The following BNC2 variants were observed in gnomAD, a reference collection of about 807,000 sequenced individuals.
BNC2 encodes the protein zinc finger protein basonuclin-2.
A neutral mutation model predicts 76.3 loss-of-function variants in BNC2; 20 were observed. The observed-to-expected ratio is 0.26, with a 90% CI of 0.18 to 0.38. BNC2 has a LOEUF of 0.38. Among genes scored for constraint, BNC2 ranks in the 10% least tolerant of loss-of-function variants. BNC2 has a pLI of 1.00. For missense variants in BNC2, 1,382 were observed against 1,399.8 expected (o/e 0.99, Z 0.20); for synonymous variants, 582 against 514.8 (o/e 1.13, Z -1.77).
At chr9:16,734,841 G>C (rs1587363504) in intron 2 of BNC2, among the ~76,000 whole-genome samples, 5 of 152,204 alleles carry the variant, frequency 3.3e-5, no homozygotes, top group Admixed American at 3.3e-4. Context: ...CTTAAGGTTG[G>C]AGGAGGACAC....
At chr9:16,805,713 GCACACA>G (rs57325819) in intron 1 of BNC2, among the ~76,000 whole-genome samples, 9 of 149,110 alleles carry the variant, frequency 6.0e-5, no homozygotes, top group Non-Finnish European at 1.3e-4. Flanking sequence ...TTGCATACAT[GCACACA>G]CACACACACA....
chr9:16,713,552 T>G lies in BNC2; in HGVS notation c.330+14245A>C, dbSNP rs76506903. On this transcript the variant is annotated intron_variant, in intron 3 of 6. Transcript: ENST00000380672. ...GATGTGCAGGCTTTGAAGCTCATAA[T>G]AAACTTGAAATGGCTCTGTGGAATG... Among the ~76,000 whole-genome samples, 764 of 149,752 alleles carry G rather than the reference T, an allele frequency of 5.1e-3. 11 individuals carry two copies. The highest frequency in any genetic ancestry group is 0.018 in the African/African-American group (717 of 40,662).
chr9:16,867,885 G>C (rs1403371518), intron 1 of BNC2: 1 of 152,124 alleles, frequency 6.6e-6, no homozygotes, highest in Non-Finnish European at 1.5e-5. Context: ...CCAGGTCAGC[G>C]TGTGGAGAAC....
intron 2 of BNC2, among the ~76,000 whole-genome samples, chr9:16,735,193 G>A (rs1316243331): frequency 1.3e-5 from 2 of 152,142 alleles, no homozygotes; most frequent in Admixed American, 1.3e-4. Flanking sequence ...AATAAAAGCA[G>A]CTGAGGTCAG....
chr9:16,641,333 G>A (rs936783065), intron 3 of BNC2, among the ~76,000 whole-genome samples: 7 of 152,030 alleles, frequency 4.6e-5, no homozygotes, highest in African/African-American at 1.7e-4. Flanking sequence ...CAGAAAGGAA[G>A]TGGTCAGATG....
chr9:16,627,069 C>T (rs2133674586), intron 3 of BNC2, among the ~76,000 whole-genome samples: 1 of 152,248 alleles, frequency 6.6e-6, no homozygotes. Context: ...CCCCTGAGCG[C>T]ATTCCTTTAT....
At chr9:16,565,579 G>A (rs1052369260) in intron 4 of BNC2, among the ~76,000 whole-genome samples, 3 of 152,096 alleles carry the variant, frequency 2.0e-5, no homozygotes, top group Non-Finnish European at 4.4e-5. Context: ...GGAGGCTGAG[G>A]TGGGTGGGTC....
intron 1 of BNC2, among the ~76,000 whole-genome samples, chr9:16,774,487 G>C (rs754623841): frequency 1.3e-5 from 2 of 152,164 alleles, no homozygotes; most frequent in Admixed American, 1.3e-4. Context: ...ACCATAGCTT[G>C]TGCTGTAGCT....
intron 3 of BNC2, among the ~76,000 whole-genome samples, chr9:16,725,654 T>G (rs1824294126): frequency 6.6e-6 from 1 of 152,196 alleles, no homozygotes; most frequent in Non-Finnish European, 1.5e-5. Context: ...TTCTATTCTC[T>G]CCATATAATC....
intron 3 of BNC2, chr9:16,665,160 GGAGTTT>G (rs1164566949): frequency 2.3e-6 from 1 of 433,788 alleles, no homozygotes; most frequent in African/African-American, 2.1e-5. Context: ...CCTGAGGTCA[GGAGTTT>G]GAGACCAGCC....
At chr9:16,445,431 G>A (rs1473063915) in intron 5 of BNC2, among the ~76,000 whole-genome samples, 1 of 152,012 alleles carries the variant, frequency 6.6e-6, no homozygotes, top group Non-Finnish European at 1.5e-5. Context: ...AATATTTGTA[G>A]GCAGAATGAA....
chr9:16,636,251 G>T (rs1035456994), intron 3 of BNC2, among the ~76,000 whole-genome samples: 11 of 152,020 alleles, frequency 7.2e-5, no homozygotes, highest in African/African-American at 2.7e-4. Flanking sequence ...AAAATAAGAA[G>T]GTCTGACCAT....
intron 5 of BNC2, among the ~76,000 whole-genome samples, chr9:16,449,863 T>C (rs551477676): frequency 6.2e-4 from 93 of 150,720 alleles, no homozygotes; most frequent in African/African-American, 2.1e-3. Flanking sequence ...GTAACTAAAA[T>C]TGTAATGCCA....
At chr9:16,524,919 C>A (rs545107662) in intron 5 of BNC2, among the ~76,000 whole-genome samples, 6 of 152,082 alleles carry the variant, frequency 3.9e-5, no homozygotes, top group Non-Finnish European at 8.8e-5. Flanking sequence ...ACAAAAAATA[C>A]AAAAATTAGC....
chr9:16,448,818 T>G (rs924113729), intron 5 of BNC2, among the ~76,000 whole-genome samples: 1 of 152,216 alleles, frequency 6.6e-6, no homozygotes, highest in Non-Finnish European at 1.5e-5. Context: ...TTGTAACACA[T>G]ACACAAGGCT....
intron 1 of BNC2, among the ~76,000 whole-genome samples, chr9:16,761,821 TAC>T (rs1467491396): frequency 1.3e-5 from 2 of 152,276 alleles, no homozygotes; most frequent in Non-Finnish European, 2.9e-5. Flanking sequence ...TCCACCTAAC[TAC>T]AAAGGCCCAT....
chr9:16,606,804 C>T (rs1437406365), intron 3 of BNC2, among the ~76,000 whole-genome samples: 1 of 152,198 alleles, frequency 6.6e-6, no homozygotes, highest in Non-Finnish European at 1.5e-5. Context: ...GTGATCCACT[C>T]ACCTGGGCCT....
intron 1 of BNC2, among the ~76,000 whole-genome samples, chr9:16,749,710 A>C (rs1825128178): frequency 6.6e-6 from 1 of 152,132 alleles, no homozygotes; most frequent in Non-Finnish European, 1.5e-5. Flanking sequence ...TTAAAAAAAA[A>C]AAAAAAATAG....
chr9:16,848,297 T>C (rs551049360), intron 1 of BNC2, among the ~76,000 whole-genome samples: 1 of 152,282 alleles, frequency 6.6e-6, no homozygotes, highest in East Asian at 1.9e-4. Context: ...ATTCCATCGA[T>C]GAAGTCAGGT....
Sources: allele counts gnomAD v4.1 joint callset (sites outside exome capture counted in the v4.1 genomes callset), GRCh38; gene constraint gnomAD v4.1.1; transcripts MANE v1.5; gene names NCBI Gene and HGNC (gene_info 2026-07-23, HGNC 2026-07-21).